TDRD9: variants seen among roughly 807,000 people sequenced by gnomAD.
TDRD9 encodes ATP-dependent RNA helicase TDRD9.
In TDRD9, 124 loss-of-function variants were observed where a neutral mutation model predicts 172.6. That is an observed-to-expected ratio of 0.72 (90% confidence interval 0.62 to 0.83). TDRD9 has a LOEUF of 0.83. Ranked by LOEUF, TDRD9 falls within the 40% of genes least tolerant of loss-of-function variation. The pLI, the probability that TDRD9 is intolerant of heterozygous loss-of-function variation, is 0.00. For synonymous variants in TDRD9, 619 were observed against 617.1 expected, an observed-to-expected ratio of 1.00 and a Z score of -0.05; for missense variants, 1,479 against 1,714.1, an observed-to-expected ratio of 0.86 and a Z score of 2.42.
At position 104,035,149 on chromosome 14, in the gene TDRD9, C is replaced by T. The variant is rs986961613; in HGVS notation, c.3716+93C>T. On this transcript the variant is annotated intron_variant, in intron 32 of 35. Transcript: ENST00000409874. Reference sequence around the variant, plus strand: ...CTCCTTGCTCCTTTTGGAAAGAAAGCCTTTATGGAAGCTAGCCATGGCACG... The same window carrying T: ...CTCCTTGCTCCTTTTGGAAAGAAAGTCTTTATGGAAGCTAGCCATGGCACG... The T allele has an allele frequency of 1.1e-5, 11 of 976,098 alleles. No homozygotes were observed. The African/African-American group carries it at 1.6e-4, about 14-fold the overall frequency. 60.5% of individuals were successfully genotyped at this position (976,098 alleles called of 1,614,324 possible). A position where few individuals can be genotyped will look rare whatever the true frequency, so the allele number is the denominator to read the frequency against.
intron 35 of TDRD9, among the ~76,000 whole-genome samples, chr14:104,051,291 T>G (rs1022861754): frequency 6.6e-5 from 10 of 152,238 alleles, no homozygotes; most frequent in African/African-American, 2.4e-4. Flanking sequence ...TTCATTCTTT[T>G]TAATGGCTGT....
Position 104,004,219 on chromosome 14 carries a change from G to A in TDRD9, c.1484-19G>A. The A allele has an allele frequency of 7.4e-7, 1 of 1,355,300 alleles. No individual in the cohort carries two copies. The highest frequency in any genetic ancestry group is 1.0e-6 in the Non-Finnish European group (1 of 954,518). The allele number at this position is 1,355,300 out of a possible 1,614,324, so 84.0% of individuals were successfully genotyped here. ...AAGTAATTAATGCCAAACACTGTTTGCACATCTCTCCTTTGAAGGCCGTGC... is the reference window on the plus strand; with the variant it reads ...AAGTAATTAATGCCAAACACTGTTTACACATCTCTCCTTTGAAGGCCGTGC... On this transcript the variant is annotated intron_variant, in intron 13 of 35. Coordinates refer to ENST00000409874, the MANE Select transcript of TDRD9 (RefSeq NM_153046.3).
At position 103,986,186 on chromosome 14, in the gene TDRD9, T is replaced by C. The variant is rs374868193; in HGVS notation, c.1012-31T>C. 7.7e-6 allele frequency: 12 copies of C among 1,566,934 alleles called. No individual in the cohort carries two copies. The East Asian group carries it at 1.1e-4, about 15-fold the overall frequency. ...GGTTTCTTCTGTAATCCTGTTTTCGTATTGCGACTTTTTTCTTTCACTGTT... is the reference window on the plus strand; with the variant it reads ...GGTTTCTTCTGTAATCCTGTTTTCGCATTGCGACTTTTTTCTTTCACTGTT... On this transcript the variant is annotated intron_variant, in intron 7 of 35. Transcript: ENST00000409874.
At chr14:103,928,749 G>A in intron 1 of TDRD9, 25 bp downstream of exon 1, 1 of 990,270 alleles carries the variant, frequency 1.0e-6, no homozygotes. Flanking sequence ...GGGCGGAGGC[G>A]GCTGGAGGGC....
chr14:104,041,269 A>C (rs1378223457), intron 33 of TDRD9, among the ~76,000 whole-genome samples: 1 of 152,232 alleles, frequency 6.6e-6, no homozygotes, highest in Non-Finnish European at 1.5e-5. Context: ...ATGTAAAACT[A>C]TTAAAGTGCT....
chr14:103,952,854 C>G (rs1027146085), intron 1 of TDRD9, among the ~76,000 whole-genome samples: 2 of 150,202 alleles, frequency 1.3e-5, no homozygotes, highest in East Asian at 3.9e-4. Flanking sequence ...ATTCTCCTGC[C>G]TCAGTCTCCC....
intron 2 of TDRD9, among the ~76,000 whole-genome samples, chr14:103,960,493 G>A (rs927913083): frequency 2.0e-5 from 3 of 152,174 alleles, no homozygotes; most frequent in Non-Finnish European, 4.4e-5. Flanking sequence ...TCCTCATGCC[G>A]TTTTTGGATT....
intron 1 of TDRD9, among the ~76,000 whole-genome samples, chr14:103,939,425 T>C (rs2031030713): frequency 6.6e-6 from 1 of 152,146 alleles, no homozygotes; most frequent in African/African-American, 2.4e-5. Flanking sequence ...CATTTATCTC[T>C]CCCACACACA....
At position 104,041,648 on chromosome 14, in the gene TDRD9, T is replaced by G. The variant is rs571805829; in HGVS notation, c.3856-421T>G. ...ACTTCCATGAGATAGCACCACCTAC[T>G]TACTGGAATGGCTGAAATCCAAAAC... On this transcript the variant is annotated intron_variant, in intron 33 of 35. Transcript: ENST00000409874. 3.3e-5 allele frequency among the ~76,000 whole-genome samples: 5 copies of G among 152,312 alleles called. No individual in the cohort carries two copies. The East Asian group carries it at 9.6e-4, about 29-fold the overall frequency.
chr14:103,934,972 T>C (rs941345444), intron 1 of TDRD9, among the ~76,000 whole-genome samples: 1 of 152,176 alleles, frequency 6.6e-6, no homozygotes, highest in Non-Finnish European at 1.5e-5. Flanking sequence ...GGTAAAGCAG[T>C]TGATGCTCCT....
chr14:104,027,044 C>G (rs1179885752), intron 28 of TDRD9, 105 bp downstream of exon 28: 3 of 1,266,200 alleles, frequency 2.4e-6, no homozygotes, highest in African/African-American at 1.5e-5. Flanking sequence ...GACAGTGTTC[C>G]TCTTCACCAT....
intron 1 of TDRD9, 123 bp from the exon 2 acceptor site, chr14:103,955,541 A>T (rs565511414): frequency 6.6e-6 from 4 of 608,884 alleles, no homozygotes; most frequent in Non-Finnish European, 8.4e-6. Context: ...GTTTGAGTGT[A>T]TATTCATTTG....
intron 8 of TDRD9, among the ~76,000 whole-genome samples, chr14:103,989,797 T>A (rs2033802752): frequency 6.6e-6 from 1 of 152,240 alleles, no homozygotes; most frequent in Non-Finnish European, 1.5e-5. Flanking sequence ...CCCTGCTACC[T>A]GTCCACTCTG....
chr14:104,044,906 G>GCTGAGGTGGGCAGATCAC (rs1464568859), intron 34 of TDRD9, among the ~76,000 whole-genome samples: 4 of 152,228 alleles, frequency 2.6e-5, no homozygotes, highest in Non-Finnish European at 5.9e-5. Flanking sequence ...ACTTCGGGAG[G>GCTGAGGTGGGCAGATCAC]CTGAGGTGGG....
intron 1 of TDRD9, chr14:103,942,457 C>T (rs1030187876): frequency 6.6e-6 from 1 of 152,192 alleles, no homozygotes; most frequent in Admixed American, 6.5e-5. Context: ...TGCATTCCGA[C>T]ATGTCTTTGG....
chr14:103,999,943 G>T (rs1397132846), intron 13 of TDRD9, among the ~76,000 whole-genome samples: 1 of 152,034 alleles, frequency 6.6e-6, no homozygotes, highest in Non-Finnish European at 1.5e-5. Flanking sequence ...ATCTGGCTTT[G>T]GTCTACATTC....
rs972842437 is a variant in TDRD9, at chr14:103,965,332, G to C, written c.421-1G>C. ...TTTGAAAGAATTTTTTAAATTTCTAGGTTGTGTCTTTGATAGAAAGTAATT... is the reference window on the plus strand; with the variant it reads ...TTTGAAAGAATTTTTTAAATTTCTACGTTGTGTCTTTGATAGAAAGTAATT... On this transcript the variant is annotated splice_acceptor_variant, in intron 3 of 35. Transcript: ENST00000409874. LOFTEE classifies it high-confidence loss of function. 6.4e-7 allele frequency: 1 copy of C among 1,551,458 alleles called. No individual in the cohort carries two copies. Among genetic ancestry groups the C allele is most frequent in the African/African-American group, 1.4e-5 (1 of 73,146 alleles).
intron 11 of TDRD9, 95 bp from the exon 12 acceptor site, chr14:103,995,655 G>A: frequency 9.0e-7 from 1 of 1,112,276 alleles, no homozygotes; most frequent in East Asian, 2.6e-5. Context: ...TTTACATTCA[G>A]AAGCTTTAAA....
rs574711344 is a variant in TDRD9 at position 103,968,185 on chromosome 14, T to G, written c.765+1354T>G. On this transcript the variant is annotated intron_variant, in intron 5 of 35. Coordinates refer to ENST00000409874, the MANE Select transcript of TDRD9 (RefSeq NM_153046.3). ...CTCTGCCTTAATAGCTGAGCAAAAG[T>G]TAGCTCCTCTCTTCGAGAGCTTGCC... 2.4e-4 allele frequency among the ~76,000 whole-genome samples: 36 copies of G among 152,360 alleles called. No individual in the cohort carries two copies. The South Asian group carries it at 7.2e-3, about 31-fold the overall frequency.
Sources: gnomAD v4.1 joint callset for allele counts (sites outside exome capture counted in the v4.1 genomes callset) on GRCh38, gnomAD v4.1.1 for gene constraint, MANE v1.5 for transcripts, NCBI Gene and HGNC (gene_info 2026-07-23, HGNC 2026-07-21) for gene names.